CCDC88A: variants seen among roughly 807,000 people sequenced by gnomAD.
CCDC88A encodes coiled-coil and HOOK domain protein 88A.
CCDC88A carries 54 observed loss-of-function variants against 234.3 expected under a neutral mutation model. The ratio of observed to expected loss-of-function variants is 0.23; its 90% confidence interval spans 0.19 to 0.29. The LOEUF (loss-of-function observed/expected upper bound fraction) is 0.29, where lower values mean the gene tolerates loss of function less well. Among genes scored for constraint, CCDC88A ranks in the 10% least tolerant of loss-of-function variants. The pLI is 1.00. For synonymous variants in CCDC88A, 753 were observed against 737.8 expected (o/e 1.02, Z -0.33); for missense variants, 1,832 against 2,123.4 (o/e 0.86, Z 2.70).
intron 18 of CCDC88A, chr2:55,320,960 A>C (rs908270285): frequency 6.6e-6 from 1 of 151,990 alleles, no homozygotes; most frequent in Non-Finnish European, 1.5e-5. Context: ...AAATACAAAA[A>C]TTCGCTGGGT....
At chr2:55,307,408 G>A (rs1681735915) in intron 25 of CCDC88A, among the ~76,000 whole-genome samples, 1 of 146,388 alleles carries the variant, frequency 6.8e-6, no homozygotes, top group Non-Finnish European at 1.5e-5. Flanking sequence ...TGCCCAGGCT[G>A]GAGTGCAATG....
intron 31 of CCDC88A, chr2:55,294,011 AATTTTAC>A (rs1679745820): frequency 6.5e-6 from 1 of 152,820 alleles, no homozygotes; most frequent in Non-Finnish European, 1.4e-5. Context: ...TACAAGTTCT[AATTTTAC>A]ATTTTAGTGT....
chr2:55,375,352 G>A (rs747411534), intron 3 of CCDC88A, among the ~76,000 whole-genome samples: 4 of 151,620 alleles, frequency 2.6e-5, no homozygotes, highest in Non-Finnish European at 4.4e-5. Context: ...GTAAAAGATC[G>A]AGCAAAATTA....
chr2:55,333,050 T>C (rs1170189231), intron 15 of CCDC88A, among the ~76,000 whole-genome samples: 2 of 152,162 alleles, frequency 1.3e-5, no homozygotes, highest in African/African-American at 2.4e-5. Flanking sequence ...ACTATAATAC[T>C]TCTCTCCCAC....
chr2:55,313,811 T>G (rs1682633895), intron 22 of CCDC88A: 1 of 152,196 alleles, frequency 6.6e-6, no homozygotes, highest in Admixed American at 6.5e-5. Context: ...ACTATAATCA[T>G]AAACAACCAT....
intron 2 of CCDC88A, among the ~76,000 whole-genome samples, chr2:55,414,773 A>AT (rs1681074199): frequency 6.6e-6 from 1 of 152,124 alleles, no homozygotes; most frequent in Non-Finnish European, 1.5e-5. Context: ...AACTTATATA[A>AT]TAAGGTTCCT....
At chr2:55,384,161 C>T (rs1675065987) in intron 3 of CCDC88A, among the ~76,000 whole-genome samples, 1 of 151,528 alleles carries the variant, frequency 6.6e-6, no homozygotes, top group South Asian at 2.1e-4. Flanking sequence ...ACTTAGGCAA[C>T]AAAGACAGAC....
At chr2:55,358,549 T>TA (rs575376796) in intron 7 of CCDC88A, among the ~76,000 whole-genome samples, 33 of 152,154 alleles carry the variant, frequency 2.2e-4, no homozygotes, top group Non-Finnish European at 4.3e-4. Context: ...ATGTAAATGT[T>TA]ACCTTTTCTC....
intron 2 of CCDC88A, among the ~76,000 whole-genome samples, chr2:55,409,932 G>A (rs1312133802): frequency 6.6e-6 from 1 of 151,746 alleles, no homozygotes; most frequent in African/African-American, 2.4e-5. Flanking sequence ...TTAGAGACGG[G>A]GTTTCACCAT....
chr2:55,309,937 C>T lies in CCDC88A; in HGVS notation c.4080-683G>A, dbSNP rs573209442. ...ATATATATAAAATGACTATATAATC[C>T]AAGGTAGTAGCAGTACCAAAATAAA... On this transcript the variant is annotated intron_variant, in intron 23 of 32. Transcript: ENST00000436346. The surrounding 1 kb of genome is among the most constrained non-coding windows in gnomAD (Gnocchi z 5.1). 6.6e-6 allele frequency among the ~76,000 whole-genome samples: 1 copy of T among 151,614 alleles called. No individual in the cohort carries two copies. The highest frequency in any genetic ancestry group is 2.1e-4 in the South Asian group (1 of 4,784).
At chr2:55,409,122 A>G (rs962001776) in intron 2 of CCDC88A, among the ~76,000 whole-genome samples, 2 of 152,148 alleles carry the variant, frequency 1.3e-5, no homozygotes, top group African/African-American at 4.8e-5. Context: ...TAAGCCATCA[A>G]CCCTGCATGA....
intron 3 of CCDC88A, among the ~76,000 whole-genome samples, chr2:55,385,852 CAAAAAAAAAA>C (rs56233901): frequency 6.4e-4 from 40 of 62,474 alleles, no homozygotes; most frequent in African/African-American, 2.1e-3. Context: ...AACTCCATGT[CAAAAAAAAAA>C]AAAAAAAAAA....
chr2:55,297,148 G>T (rs1305418577), intron 29 of CCDC88A: 1 of 148,736 alleles, frequency 6.7e-6, no homozygotes, highest in Non-Finnish European at 1.5e-5. Flanking sequence ...TCGCGCCACT[G>T]CACTCTGGCC....
At chr2:55,331,924 A>C (rs1684961140) in intron 16 of CCDC88A, 1 of 149,980 alleles carries the variant, frequency 6.7e-6, no homozygotes, top group Non-Finnish European at 1.5e-5. Flanking sequence ...AATAAAAAAT[A>C]ACTTGCTTAT....
intron 17 of CCDC88A, among the ~76,000 whole-genome samples, chr2:55,324,904 C>A (rs983351896): frequency 2.0e-5 from 3 of 152,208 alleles, no homozygotes; most frequent in Admixed American, 2.0e-4. Flanking sequence ...CCTCAGCCTC[C>A]CAAAGTGCTG....
chr2:55,355,453 T>G lies in CCDC88A; in HGVS notation c.800+126A>C, dbSNP rs186444657. On this transcript the variant is annotated intron_variant, in intron 8 of 32. Transcript: ENST00000436346. ...TAGGAAAACCTTATGCCAACCTCCT[T>G]ATTTTTCTCATTTACTTGTGAAAAC... The G allele has an allele frequency of 1.7e-4, 137 of 784,698 alleles. No individual in the cohort carries two copies. The African/African-American group carries it at 2.9e-3, about 17-fold the overall frequency. 48.6% of individuals were successfully genotyped at this position (784,698 alleles called of 1,614,324 possible). A position where few individuals can be genotyped will look rare whatever the true frequency, so the allele number is the denominator to read the frequency against.
At chr2:55,322,474 G>A in intron 18 of CCDC88A, 54 bp downstream of exon 18, 1 of 1,007,636 alleles carries the variant, frequency 9.9e-7, no homozygotes, top group Non-Finnish European at 1.5e-6. Flanking sequence ...AATATATCCA[G>A]TGATCCTCTA....
At position 55,289,948 on chromosome 2, in the gene CCDC88A, T is replaced by A. The variant is rs1300345850; in HGVS notation, c.*1252A>T. On this transcript the variant is annotated 3_prime_UTR_variant, in exon 33 of 33. Transcript: ENST00000436346. ...CTGTTAAAATTTTAAAAAGTCAGTATGTTTCTCATTTCAGACCTTGAAGAT... is the reference window on the plus strand; with the variant it reads ...CTGTTAAAATTTTAAAAAGTCAGTAAGTTTCTCATTTCAGACCTTGAAGAT... The A allele has an allele frequency of 1.3e-5, 2 of 152,540 alleles. No individual in the cohort carries two copies. Among genetic ancestry groups the A allele is most frequent in the Admixed American group, 6.6e-5 (1 of 15,262 alleles). 9.4% of individuals were successfully genotyped at this position (152,540 alleles called of 1,614,324 possible).
chr2:55,309,531 A>G lies in CCDC88A; in HGVS notation c.4080-277T>C, dbSNP rs2104597510. Among the ~76,000 whole-genome samples the G allele has an allele frequency of 6.6e-6, 1 of 152,310 alleles. No individual in the cohort carries two copies. The highest frequency in any genetic ancestry group is 1.5e-5 in the Non-Finnish European group (1 of 68,008). On this transcript the variant is annotated intron_variant, in intron 23 of 32. Coordinates refer to ENST00000436346, the MANE Select transcript of CCDC88A (RefSeq NM_001365480.1). This position sits in a 1 kb window ranked among gnomAD's most constrained non-coding sequence, Gnocchi z 5.1. Reference sequence around the variant, plus strand: ...TAAAACATTGTTTAGTTTGCTTACAATTATAGATATAATAAATAATCCTGC... The same window carrying G: ...TAAAACATTGTTTAGTTTGCTTACAGTTATAGATATAATAAATAATCCTGC...
Sources: gnomAD v4.1 joint callset for allele counts (sites outside exome capture counted in the v4.1 genomes callset) on GRCh38, gnomAD v4.1.1 for gene constraint, Gnocchi (gnomAD v3.1) non-coding constraint, MANE v1.5 for transcripts, NCBI Gene and HGNC (gene_info 2026-07-23, HGNC 2026-07-21) for gene names.